The following GPC6 variants were observed in gnomAD, a reference collection of about 807,000 sequenced individuals.
The protein encoded by GPC6 is glypican-6.
In GPC6, 14 loss-of-function variants were observed where a neutral mutation model predicts 55.2. The ratio of observed to expected loss-of-function variants is 0.25; its 90% CI spans 0.17 to 0.40. GPC6 has a LOEUF of 0.40. Ranked by LOEUF, GPC6 falls within the 10% of genes least tolerant of loss-of-function variation. The pLI, the probability that GPC6 is intolerant of heterozygous loss-of-function variation, is 1.00. For synonymous variants in GPC6, 278 were observed against 259.6 expected, an observed-to-expected ratio of 1.07 and a Z score of -0.68; for missense variants, 641 against 708.5, an observed-to-expected ratio of 0.90 and a Z score of 1.08.
chr13:94,402,624 C>T (rs979131819), intron 8 of GPC6, among the ~76,000 whole-genome samples: 2 of 152,128 alleles, frequency 1.3e-5, no homozygotes, highest in African/African-American at 4.8e-5. Context: ...TTTCATACTG[C>T]TATAAAGAAC....
intron 3 of GPC6, among the ~76,000 whole-genome samples, chr13:93,929,930 G>A (rs1338446269): frequency 1.3e-5 from 2 of 151,906 alleles, no homozygotes; most frequent in Non-Finnish European, 2.9e-5. Flanking sequence ...AAACAAAAAA[G>A]GTATAGTTTG....
intron 4 of GPC6, among the ~76,000 whole-genome samples, chr13:94,248,063 C>CAA (rs1891249635): frequency 6.6e-6 from 1 of 151,996 alleles, no homozygotes; most frequent in Non-Finnish European, 1.5e-5. Context: ...ATGCTGGCCT[C>CAA]AAAAAATGTG....
At chr13:93,618,357 CA>C (rs1396439168) in intron 2 of GPC6, among the ~76,000 whole-genome samples, 1 of 151,900 alleles carries the variant, frequency 6.6e-6, no homozygotes, top group Non-Finnish European at 1.5e-5. Flanking sequence ...TCATATAAAT[CA>C]GCAACTGTAC....
At chr13:94,089,540 T>C (rs1885406134) in intron 4 of GPC6, among the ~76,000 whole-genome samples, 1 of 152,164 alleles carries the variant, frequency 6.6e-6, no homozygotes, top group South Asian at 2.1e-4. Context: ...GTAATGCACA[T>C]ATTTTCTTCC....
At position 93,782,223 on chromosome 13, in the gene GPC6, C is replaced by G. The variant is rs1885674140; in HGVS notation, c.320-47931C>G. Among the ~76,000 whole-genome samples the G allele has an allele frequency of 1.3e-5, 2 of 152,126 alleles. 1 individual carries two copies. The highest frequency in any genetic ancestry group is 4.1e-4 in the South Asian group (2 of 4,824). On this transcript the variant is annotated intron_variant, in intron 2 of 8. Coordinates refer to ENST00000377047, the MANE Select transcript of GPC6 (RefSeq NM_005708.5). Reference sequence around the variant, plus strand: ...TGGCCTATTTTACTTAACGTAATGTCTTCTAGGTTCATCCATGTTGACCCA... The same window carrying G: ...TGGCCTATTTTACTTAACGTAATGTGTTCTAGGTTCATCCATGTTGACCCA...
At chr13:93,621,665 T>C (rs574728772) in intron 2 of GPC6, among the ~76,000 whole-genome samples, 2 of 152,308 alleles carry the variant, frequency 1.3e-5, no homozygotes, top group East Asian at 3.9e-4. Context: ...GTAAATACTT[T>C]TATAACTATG....
intron 1 of GPC6, among the ~76,000 whole-genome samples, chr13:93,483,725 C>T (rs139558704): frequency 7.2e-5 from 11 of 152,186 alleles, no homozygotes; most frequent in East Asian, 5.8e-4. Flanking sequence ...ATTAATCATT[C>T]GGCAATAAGA....
intron 1 of GPC6, among the ~76,000 whole-genome samples, chr13:93,342,845 G>C (rs1427946227): frequency 6.6e-6 from 1 of 152,032 alleles, no homozygotes; most frequent in East Asian, 1.9e-4. Context: ...TTCTGTTTCT[G>C]GAATTATCAA....
intron 2 of GPC6, among the ~76,000 whole-genome samples, chr13:93,687,808 C>G (rs931456623): frequency 7.0e-6 from 1 of 142,454 alleles, no homozygotes; most frequent in Non-Finnish European, 1.6e-5. Context: ...ATTGTCTGGG[C>G]TCCTAGAGGC....
intron 2 of GPC6, among the ~76,000 whole-genome samples, chr13:93,548,566 A>G (rs1874953298): frequency 6.6e-6 from 1 of 152,146 alleles, no homozygotes; most frequent in South Asian, 2.1e-4. Context: ...TTAAAACCAT[A>G]TTCTATTTAT....
At chr13:94,225,937 A>G (rs988403558) in intron 4 of GPC6, among the ~76,000 whole-genome samples, 2 of 152,238 alleles carry the variant, frequency 1.3e-5, no homozygotes, top group African/African-American at 4.8e-5. Context: ...CCTTACATAC[A>G]TTCTGTGAAT....
At chr13:93,886,767 T>C (rs1321230834) in intron 3 of GPC6, among the ~76,000 whole-genome samples, 1 of 151,820 alleles carries the variant, frequency 6.6e-6, no homozygotes, top group African/African-American at 2.4e-5. Context: ...TTTGTTTTTT[T>C]TTTTTTCATA....
chr13:93,249,452 T>G (rs759118723), intron 1 of GPC6, among the ~76,000 whole-genome samples: 9 of 152,224 alleles, frequency 5.9e-5, no homozygotes, highest in Admixed American at 4.6e-4. Flanking sequence ...GTGAAATGTT[T>G]GCCTTATAGG....
At chr13:94,084,468 A>G (rs1348955871) in intron 4 of GPC6, among the ~76,000 whole-genome samples, 1 of 152,234 alleles carries the variant, frequency 6.6e-6, no homozygotes, top group Admixed American at 6.5e-5. Context: ...CATATGAACC[A>G]TTATCACAAG....
intron 6 of GPC6, among the ~76,000 whole-genome samples, chr13:94,363,649 C>T (rs1025414885): frequency 8.5e-5 from 13 of 152,298 alleles, no homozygotes; most frequent in South Asian, 4.1e-4. Flanking sequence ...CCTCTCCTGA[C>T]GTGCTTAGGA....
chr13:94,017,832 G>A (rs1882529360), intron 3 of GPC6, among the ~76,000 whole-genome samples: 1 of 151,612 alleles, frequency 6.6e-6, no homozygotes, highest in Non-Finnish European at 1.5e-5. Context: ...CACCCACCAC[G>A]ACACCCAGCA....
At chr13:93,447,567 T>C (rs1305806463) in intron 1 of GPC6, among the ~76,000 whole-genome samples, 1 of 152,206 alleles carries the variant, frequency 6.6e-6, no homozygotes, top group African/African-American at 2.4e-5. Context: ...GACATTCTAA[T>C]TGGCCGTATT....
intron 2 of GPC6, among the ~76,000 whole-genome samples, chr13:93,767,974 T>A (rs1885175864): frequency 6.6e-6 from 1 of 152,042 alleles, no homozygotes; most frequent in African/African-American, 2.4e-5. Context: ...ACAAGCACTA[T>A]GGAAATAAGC....
At chr13:93,747,014 A>T (rs1401163795) in intron 2 of GPC6, among the ~76,000 whole-genome samples, 1 of 152,242 alleles carries the variant, frequency 6.6e-6, no homozygotes, top group Non-Finnish European at 1.5e-5. Flanking sequence ...TTAATGAAAT[A>T]TTAAGTAATA....
Sources: gnomAD v4.1 joint callset for allele counts (sites outside exome capture counted in the v4.1 genomes callset) on GRCh38, gnomAD v4.1.1 for gene constraint, MANE v1.5 for transcripts, NCBI Gene and HGNC (gene_info 2026-07-23, HGNC 2026-07-21) for gene names.